Variants in CTNNA2 observed in about 807,000 individuals in gnomAD.
CTNNA2 encodes the protein catenin alpha-2.
In CTNNA2, 42 loss-of-function variants were observed where a neutral mutation model predicts 101.0. The ratio of observed to expected loss-of-function variants is 0.42; its 90% CI spans 0.32 to 0.54. The LOEUF is 0.54. CTNNA2 is among the 20% of genes least tolerant of loss of function. The pLI, the probability that CTNNA2 is intolerant of heterozygous loss-of-function variation, is 0.14. For missense variants in CTNNA2, 871 were observed against 1,223.1 expected, an observed-to-expected ratio of 0.71 and a Z score of 4.29; for synonymous variants, 450 against 456.4, an observed-to-expected ratio of 0.99 and a Z score of 0.18.
intron 2 of CTNNA2, among the ~76,000 whole-genome samples, chr2:79,696,561 T>C (rs1455945170): frequency 6.6e-6 from 1 of 152,030 alleles, no homozygotes; most frequent in Non-Finnish European, 1.5e-5. Flanking sequence ...GGCATGTGTG[T>C]GCCCATCCTT....
chr2:79,960,953 C>T (rs1003775068), intron 7 of CTNNA2, among the ~76,000 whole-genome samples: 1 of 152,178 alleles, frequency 6.6e-6, no homozygotes, highest in African/African-American at 2.4e-5. Context: ...GTGACCTTTA[C>T]ATGGCCACTG....
At chr2:79,523,840 A>G (rs1423282943) in intron 1 of CTNNA2, among the ~76,000 whole-genome samples, 3 of 152,184 alleles carry the variant, frequency 2.0e-5, no homozygotes, top group Non-Finnish European at 1.5e-5. Flanking sequence ...TCTAGAGGTT[A>G]TCTTTTCATT....
chr2:80,302,641 C>A lies in CTNNA2; in HGVS notation c.1057-90570C>A, dbSNP rs369816418. On this transcript the variant is annotated intron_variant, in intron 7 of 18. Coordinates refer to ENST00000402739, the MANE Select transcript of CTNNA2 (RefSeq NM_001282597.3). The surrounding 1 kb of genome is among the most constrained non-coding windows in gnomAD (Gnocchi z 6.4). Reference sequence around the variant, plus strand: ...GCTGCCCCTCCCCGCCGTCCGCGAGCGTGGTGGCCGAGCTGGCAGGGGGCC... The same window carrying A: ...GCTGCCCCTCCCCGCCGTCCGCGAGAGTGGTGGCCGAGCTGGCAGGGGGCC... 6.2e-7 allele frequency: 1 copy of A among 1,607,738 alleles called. No individual in the cohort carries two copies. Among genetic ancestry groups the A allele is most frequent in the Non-Finnish European group, 8.5e-7 (1 of 1,178,358 alleles).
intron 14 of CTNNA2, among the ~76,000 whole-genome samples, chr2:80,582,839 T>A (rs2149721099): frequency 6.6e-6 from 1 of 152,240 alleles, no homozygotes; most frequent in East Asian, 1.9e-4. Context: ...CACACTGCCT[T>A]AAGAATTATG....
At chr2:80,351,637 TG>T (rs1176225722) in intron 7 of CTNNA2, among the ~76,000 whole-genome samples, 3 of 152,064 alleles carry the variant, frequency 2.0e-5, no homozygotes, top group East Asian at 1.9e-4. Context: ...TTAACATGCA[TG>T]GGGGGTAAGC....
At chr2:79,301,669 CT>C (rs1423766777) in intron 2 of CTNNA2, among the ~76,000 whole-genome samples, 1 of 152,160 alleles carries the variant, frequency 6.6e-6, no homozygotes, top group Non-Finnish European at 1.5e-5. Context: ...CCTATCTCCC[CT>C]GTCTCCCCTT....
intron 3 of CTNNA2, among the ~76,000 whole-genome samples, chr2:79,856,878 A>C (rs1260070081): frequency 6.6e-6 from 1 of 152,084 alleles, no homozygotes; most frequent in Non-Finnish European, 1.5e-5. Flanking sequence ...CTAAAACTGC[A>C]TTTACCCTAT....
chr2:80,361,137 A>C (rs1674366396), intron 7 of CTNNA2, among the ~76,000 whole-genome samples: 1 of 151,996 alleles, frequency 6.6e-6, no homozygotes, highest in African/African-American at 2.4e-5. Flanking sequence ...TGTAGGCTAC[A>C]AATTGGTTTT....
chr2:80,484,188 C>A (rs920313567), intron 9 of CTNNA2, among the ~76,000 whole-genome samples: 3 of 151,628 alleles, frequency 2.0e-5, no homozygotes, highest in African/African-American at 7.3e-5. Flanking sequence ...AAAGTATGCT[C>A]ACTTATGTGT....
At chr2:79,385,612 C>A (rs571366616) in intron 4 of CTNNA2, among the ~76,000 whole-genome samples, 4 of 151,842 alleles carry the variant, frequency 2.6e-5, no homozygotes, top group African/African-American at 9.7e-5. Context: ...GTTTACTGCA[C>A]CTATCAACCC....
At chr2:79,300,246 T>A (rs1676077983) in intron 2 of CTNNA2, among the ~76,000 whole-genome samples, 1 of 152,172 alleles carries the variant, frequency 6.6e-6, no homozygotes, top group East Asian at 1.9e-4. Context: ...TAGTTTTGCC[T>A]TTTCCAGAAT....
chr2:79,503,728 T>C (rs1397969347), intron 4 of CTNNA2, among the ~76,000 whole-genome samples: 1 of 152,186 alleles, frequency 6.6e-6, no homozygotes, highest in Non-Finnish European at 1.5e-5. Flanking sequence ...ATGCCCACAA[T>C]TGTAGGCTGT....
At chr2:79,521,309 G>A (rs116354522) in intron 1 of CTNNA2, among the ~76,000 whole-genome samples, 1 of 151,884 alleles carries the variant, frequency 6.6e-6, no homozygotes, top group South Asian at 2.1e-4. Flanking sequence ...TCTCTTGTCT[G>A]TGCTCAGTCT....
intron 7 of CTNNA2, among the ~76,000 whole-genome samples, chr2:80,097,977 C>T (rs1280514082): frequency 3.3e-5 from 5 of 152,044 alleles, no homozygotes; most frequent in East Asian, 1.9e-4. Flanking sequence ...CGGAGTAGTT[C>T]GATCTTCTGA....
chr2:80,373,423 G>A (rs1675637642), intron 7 of CTNNA2, among the ~76,000 whole-genome samples: 1 of 152,134 alleles, frequency 6.6e-6, no homozygotes, highest in African/African-American at 2.4e-5. Context: ...TAAGGGGATA[G>A]GTATCATATA....
At chr2:80,511,317 G>A in intron 9 of CTNNA2, among the ~76,000 whole-genome samples, 1 of 152,206 alleles carries the variant, frequency 6.6e-6, no homozygotes, top group Middle Eastern at 3.2e-3. Flanking sequence ...ATCAACATCA[G>A]TGTTACGGTT....
At chr2:80,458,944 C>G (rs1421718127) in intron 9 of CTNNA2, among the ~76,000 whole-genome samples, 1 of 152,148 alleles carries the variant, frequency 6.6e-6, no homozygotes, top group African/African-American at 2.4e-5. Flanking sequence ...CTGCCCTATA[C>G]AGATGTACAA....
chr2:80,281,493 G>A (rs1293959821), intron 7 of CTNNA2, among the ~76,000 whole-genome samples: 1 of 152,126 alleles, frequency 6.6e-6, no homozygotes, highest in Non-Finnish European at 1.5e-5. Context: ...TGTGGGTATA[G>A]TCAAAGGGCA....
chr2:80,570,717 T>C (rs142263648), intron 12 of CTNNA2, among the ~76,000 whole-genome samples: 1,812 of 152,286 alleles, frequency 0.012, 33 homozygotes, highest in African/African-American at 0.041. Flanking sequence ...ATCGTTTTTT[T>C]CTTCCTTGAA....
Sources: allele counts gnomAD v4.1 joint callset (sites outside exome capture counted in the v4.1 genomes callset), GRCh38; gene constraint gnomAD v4.1.1; non-coding constraint Gnocchi (gnomAD v3.1); transcripts MANE v1.5; gene names NCBI Gene and HGNC (gene_info 2026-07-23, HGNC 2026-07-21).